The following EDARADD variants were observed in gnomAD, a reference collection of about 807,000 sequenced individuals.
EDARADD encodes the protein EDAR associated via death domain.
EDARADD carries 20 observed loss-of-function variants against 25.6 expected under a neutral mutation model. The observed-to-expected ratio is 0.78, with a 90% confidence interval of 0.55 to 1.14. The LOEUF (loss-of-function observed/expected upper bound fraction) is 1.14. Ranked by LOEUF, EDARADD falls within the 50% of genes most tolerant of loss-of-function variation. The pLI, the probability that EDARADD is intolerant of heterozygous loss-of-function variation, is 0.00. For synonymous variants in EDARADD, 86 were observed against 94.4 expected (o/e 0.91, Z 0.52); for missense variants, 225 against 270.1 (o/e 0.83, Z 1.17).
At chr1:236,427,328 A>T in intron 3 of EDARADD, 64 bp from the exon 4 acceptor site, 1 of 1,528,414 alleles carries the variant, frequency 6.5e-7, no homozygotes, top group Non-Finnish European at 9.0e-7. Context: ...GTCTTACACC[A>T]CGGAGTGTGT....
At chr1:236,362,594 A>C (rs564715095) in intron 3 of EDARADD, among the ~76,000 whole-genome samples, 1 of 152,120 alleles carries the variant, frequency 6.6e-6, no homozygotes, top group African/African-American at 2.4e-5. Flanking sequence ...TATGGATTCC[A>C]CTTTTGGTGT....
chr1:236,419,700 A>C (rs1657731902), intron 3 of EDARADD, among the ~76,000 whole-genome samples: 1 of 152,164 alleles, frequency 6.6e-6, no homozygotes, highest in Middle Eastern at 3.2e-3. Context: ...TCAGATGGTG[A>C]CCGCTCTAGC....
At chr1:236,422,287 T>C (rs1439166747) in intron 3 of EDARADD, among the ~76,000 whole-genome samples, 1 of 152,176 alleles carries the variant, frequency 6.6e-6, no homozygotes, top group Admixed American at 6.6e-5. Flanking sequence ...TCACTGTCAG[T>C]AATAAGTGGG....
intron 3 of EDARADD, among the ~76,000 whole-genome samples, chr1:236,371,477 G>T (rs627044): frequency 0.29 from 44,677 of 151,802 alleles, 6,898 homozygotes; most frequent in African/African-American, 0.39. Context: ...AAAAGGAGTG[G>T]CAAGAGAAGA....
intron 1 of EDARADD, among the ~76,000 whole-genome samples, chr1:236,406,324 C>T (rs1047559426): frequency 1.3e-5 from 2 of 152,100 alleles, no homozygotes; most frequent in African/African-American, 2.4e-5. Flanking sequence ...CACGTGTGTC[C>T]GGCTGTAAGG....
intron 1 of EDARADD, among the ~76,000 whole-genome samples, chr1:236,402,650 A>G (rs1309849942): frequency 2.0e-5 from 3 of 152,112 alleles, no homozygotes; most frequent in South Asian, 4.1e-4. Context: ...GAACTCAAGC[A>G]ATCCTCCCAC....
At chr1:236,461,990 A>G (rs1266388) in intron 4 of EDARADD, among the ~76,000 whole-genome samples, 38,073 of 152,098 alleles carry the variant, frequency 0.25, 6,606 homozygotes, top group African/African-American at 0.5. Context: ...TTTTAATAAC[A>G]ATTCATGAAC....
At position 236,482,685 on chromosome 1, in the gene EDARADD, T is replaced by C. The variant is rs765066608; in HGVS notation, c.*36T>C. The C allele has an allele frequency of 1.9e-6, 3 of 1,609,176 alleles. No homozygotes were observed. In the African/African-American group the frequency reaches 4.0e-5, roughly 22 times the overall value. The stretch of plus-strand genomic sequence containing the variant: ...CTTCCTTCATTGGCCTCTCCGGATG[T>C]TGAAACAACCACAGGTCAAGAAGGA... On this transcript the variant is annotated 3_prime_UTR_variant, in exon 6 of 6. Coordinates refer to ENST00000334232, the MANE Select transcript of EDARADD (RefSeq NM_145861.4).
At chr1:236,446,210 C>T (rs1259464941) in intron 4 of EDARADD, among the ~76,000 whole-genome samples, 1 of 152,190 alleles carries the variant, frequency 6.6e-6, no homozygotes, top group East Asian at 1.9e-4. Flanking sequence ...ACCCAGACCT[C>T]CTGTACAGCC....
intron 3 of EDARADD, among the ~76,000 whole-genome samples, chr1:236,379,191 G>A (rs1379259183): frequency 6.6e-6 from 1 of 151,828 alleles, no homozygotes; most frequent in Non-Finnish European, 1.5e-5. Flanking sequence ...CCAACATGGT[G>A]AAACCCTGTC....
intron 3 of EDARADD, among the ~76,000 whole-genome samples, chr1:236,351,870 G>T (rs1017965435): frequency 3.3e-5 from 5 of 151,996 alleles, no homozygotes; most frequent in African/African-American, 1.2e-4. Context: ...TTTTAATCAA[G>T]GGGCTGAATA....
chr1:236,373,107 G>A (rs1353086524), intron 3 of EDARADD, among the ~76,000 whole-genome samples: 1 of 151,836 alleles, frequency 6.6e-6, no homozygotes, highest in Non-Finnish European at 1.5e-5. Flanking sequence ...AGTAGAGATG[G>A]GGTTTCACCA....
At chr1:236,453,991 T>C (rs1335448223) in intron 4 of EDARADD, among the ~76,000 whole-genome samples, 2 of 152,220 alleles carry the variant, frequency 1.3e-5, no homozygotes, top group African/African-American at 4.8e-5. Context: ...TGTTTCCTCA[T>C]CAAGGAAACA....
Position 236,483,999 on chromosome 1 carries a change from C to G in EDARADD, c.*1350C>G. The G allele has an allele frequency of 7.1e-7, 1 of 1,416,898 alleles. No homozygotes were observed. The highest frequency in any genetic ancestry group is 1.0e-6 in the Non-Finnish European group (1 of 1,002,442). 87.8% of individuals were successfully genotyped at this position (1,416,898 alleles called of 1,614,324 possible). A position where few individuals can be genotyped will look rare whatever the true frequency, so the allele number is the denominator to read the frequency against. On this transcript the variant is annotated 3_prime_UTR_variant, in exon 6 of 6. Transcript: ENST00000334232. ...CATCTCACCTGACTGTCTGGCTGAC[C>G]TGTACAAGTCCTTCATCAAAAACTA...
At chr1:236,478,036 G>A (rs980754578) in intron 5 of EDARADD, among the ~76,000 whole-genome samples, 8 of 152,110 alleles carry the variant, frequency 5.3e-5, no homozygotes, top group African/African-American at 7.2e-5. Flanking sequence ...CCGAGAGGCG[G>A]AGGTTGCTGT....
At chr1:236,460,226 C>G (rs1370737839) in intron 4 of EDARADD, among the ~76,000 whole-genome samples, 2 of 150,048 alleles carry the variant, frequency 1.3e-5, no homozygotes, top group Non-Finnish European at 3.0e-5. Context: ...ACTCTGTCAC[C>G]CAGGCTGGAG....
intron 5 of EDARADD, among the ~76,000 whole-genome samples, chr1:236,474,039 T>A (rs1405741583): frequency 6.6e-6 from 1 of 152,122 alleles, no homozygotes; most frequent in Non-Finnish European, 1.5e-5. Context: ...TGCTGCCACC[T>A]CCATTTTATA....
intron 5 of EDARADD, among the ~76,000 whole-genome samples, chr1:236,478,350 CAT>C (rs200530806): frequency 1.3e-4 from 16 of 124,162 alleles, no homozygotes; most frequent in Admixed American, 3.2e-4. Context: ...ATCCAAAATC[CAT>C]ATATATATGT....
At position 236,482,571 on chromosome 1, in the gene EDARADD, C is replaced by T. The variant is rs200017138; in HGVS notation, c.570C>T (p.Asp190=). Residue 190 remains aspartate, a synonymous_variant, in exon 6 of 6, where the codon GAC becomes GAT. Coordinates refer to ENST00000334232, the MANE Select transcript of EDARADD (RefSeq NM_145861.4). The part of the protein sequence containing the change: ...MELCRLYHRA[D]VEKVLRRWVD... ...TCTGCAGGCTCTACCACAGGGCCGA[C>T]GTGGAGAAGGTTCTGCGCAGGTGGG... 19 of 1,613,350 alleles carry T rather than the reference C, an allele frequency of 1.2e-5. No homozygotes were observed. Among genetic ancestry groups the T allele is most frequent in the Non-Finnish European group, 1.4e-5 (17 of 1,179,966 alleles).
Sources: allele counts gnomAD v4.1 joint callset (sites outside exome capture counted in the v4.1 genomes callset), GRCh38; gene constraint gnomAD v4.1.1; transcripts MANE v1.5; gene names NCBI Gene and HGNC (gene_info 2026-07-23, HGNC 2026-07-21).